The following PDE3A variants were observed in gnomAD, a reference collection of about 807,000 sequenced individuals.
The protein encoded by PDE3A is phosphodiesterase 3A, also known as cGMP-inhibited 3',5'-cyclic phosphodiesterase 3A.
PDE3A carries 43 observed loss-of-function variants against 98.3 expected under a neutral mutation model. The ratio of observed to expected loss-of-function variants is 0.44; its 90% CI spans 0.34 to 0.56. The LOEUF is 0.56. PDE3A is among the 20% of genes least tolerant of loss of function. The pLI is 0.01. For synonymous variants in PDE3A, 663 were observed against 567.9 expected, an observed-to-expected ratio of 1.17 and a Z score of -2.38; for missense variants, 1,427 against 1,440.7, an observed-to-expected ratio of 0.99 and a Z score of 0.15.
intron 1 of PDE3A, among the ~76,000 whole-genome samples, chr12:20,402,551 C>T (rs79074912): frequency 0.014 from 2,055 of 152,048 alleles, 16 homozygotes; most frequent in Middle Eastern, 0.037. Context: ...TTTCATCTTA[C>T]GGTGGGCCCT....
chr12:20,646,838 C>T lies in PDE3A; in HGVS notation c.2453C>T (p.Ser818Phe). ...NVTDDKYGCL[S>F]GNIPALELMA... ...ACAGATGATAAATACGGATGTCTGT[C>T]TGGGAATATCCCTGCCTTGGAGTTG... The change falls in exon 12 of 16, where the codon TCT (serine) becomes TTT (phenylalanine). Residue 818 changes from serine to phenylalanine, a missense_variant. This residue lies in a region of PDE3A where 273 missense variants were observed against 420.3 expected (regional missense o/e 0.65). Coordinates refer to ENST00000359062, the MANE Select transcript of PDE3A (RefSeq NM_000921.5). The T allele has an allele frequency of 1.9e-6, 3 of 1,611,944 alleles. No homozygotes were observed. Among genetic ancestry groups the T allele is most frequent in the Non-Finnish European group, 2.5e-6 (3 of 1,178,066 alleles).
chr12:20,438,145 A>G (rs1438370676), intron 1 of PDE3A, among the ~76,000 whole-genome samples: 1 of 152,074 alleles, frequency 6.6e-6, no homozygotes, highest in Non-Finnish European at 1.5e-5. Flanking sequence ...GAGTGTTGCT[A>G]AAAAGAATTA....
chr12:20,538,436 A>G (rs1941807287), intron 1 of PDE3A, among the ~76,000 whole-genome samples: 3 of 152,100 alleles, frequency 2.0e-5, no homozygotes, highest in African/African-American at 7.2e-5. Context: ...AGCTTCACAC[A>G]GTGACTTCTG....
chr12:20,437,784 T>C (rs1359928331), intron 1 of PDE3A, among the ~76,000 whole-genome samples: 1 of 152,150 alleles, frequency 6.6e-6, no homozygotes, highest in East Asian at 1.9e-4. Context: ...GGGTAAGATA[T>C]CCAAACTTTA....
chr12:20,518,137 A>G (rs529518980), intron 1 of PDE3A, among the ~76,000 whole-genome samples: 51 of 152,318 alleles, frequency 3.3e-4, no homozygotes, highest in Admixed American at 5.9e-4. Flanking sequence ...TATTTGCCCC[A>G]TAAGGGTAAA....
intron 1 of PDE3A, among the ~76,000 whole-genome samples, chr12:20,524,705 AAC>A (rs1946484323): frequency 6.6e-6 from 1 of 152,122 alleles, no homozygotes; most frequent in Non-Finnish European, 1.5e-5. Context: ...ATATAAAATG[AAC>A]ACACAGGCAT....
rs555686500 is a variant in PDE3A, at chr12:20,660,231, T to C, written c.3184+6026T>C. 1.8e-3 allele frequency among the ~76,000 whole-genome samples: 271 copies of C among 152,356 alleles called. 1 individual carries two copies. The highest frequency in any genetic ancestry group is 5.8e-3 in the African/African-American group (241 of 41,586). ...AGGATGTTTGCTTCCCCTTCCACCA[T>C]GATTATAATTTCCTGAGGCCTCCAT... On this transcript the variant is annotated intron_variant, in intron 15 of 15. Transcript: ENST00000359062.
intron 1 of PDE3A, among the ~76,000 whole-genome samples, chr12:20,466,992 A>C (rs1218685975): frequency 6.6e-6 from 1 of 152,108 alleles, no homozygotes; most frequent in Non-Finnish European, 1.5e-5. Context: ...CACATATTTT[A>C]TTTGTTTTTT....
intron 2 of PDE3A, among the ~76,000 whole-genome samples, chr12:20,605,544 A>AAAT (rs1233134109): frequency 6.6e-6 from 1 of 152,004 alleles, no homozygotes; most frequent in African/African-American, 2.4e-5. Context: ...AAATGTAGAG[A>AAAT]AATGAATTAC....
At chr12:20,371,326 C>T (rs149786776) in intron 1 of PDE3A, 1 of 984,350 alleles carries the variant, frequency 1.0e-6, no homozygotes, top group East Asian at 1.1e-4. Flanking sequence ...ATTTGTTCAC[C>T]TCTCTATTTG....
At chr12:20,433,199 C>A (rs1246781296) in intron 1 of PDE3A, among the ~76,000 whole-genome samples, 2 of 152,090 alleles carry the variant, frequency 1.3e-5, no homozygotes, top group Non-Finnish European at 2.9e-5. Context: ...CACTGTATAA[C>A]CAAACTTTGG....
chr12:20,521,682 G>A (rs1008631872), intron 1 of PDE3A, among the ~76,000 whole-genome samples: 2 of 152,138 alleles, frequency 1.3e-5, no homozygotes, highest in East Asian at 1.9e-4. Flanking sequence ...TTTGTTCAAC[G>A]AGTGTTATTG....
chr12:20,624,844 T>C (rs1421966992), intron 5 of PDE3A, among the ~76,000 whole-genome samples: 1 of 152,162 alleles, frequency 6.6e-6, no homozygotes, highest in Non-Finnish European at 1.5e-5. Flanking sequence ...TAAGTGGTTG[T>C]GACATGTTTG....
In PDE3A at chr12:20,552,744, G is replaced by A. The variant is rs1016291412; in HGVS notation, c.961-3916G>A. 2.5e-6 allele frequency: 4 copies of A among 1,614,052 alleles called. No homozygotes were observed. The highest frequency in any genetic ancestry group is 3.4e-6 in the Non-Finnish European group (4 of 1,179,898). On this transcript the variant is annotated intron_variant, in intron 1 of 15. Transcript: ENST00000359062. This position sits in a 1 kb window ranked among gnomAD's most constrained non-coding sequence, Gnocchi z 5.1. ...TCCTGGCGTCACTCAAGGACCGGCC[G>A]GCGAGCGGCAGCCCGTTCCAGTTGT...
chr12:20,572,361 A>G, intron 2 of PDE3A, among the ~76,000 whole-genome samples: 1 of 152,262 alleles, frequency 6.6e-6, no homozygotes, highest in African/African-American at 2.4e-5. Context: ...CCTGGGACCA[A>G]AAAACTTCCC....
In PDE3A at chr12:20,369,225, G is replaced by T; in HGVS notation, c.-60G>T. The T allele has an allele frequency of 7.6e-7, 1 of 1,311,604 alleles. No homozygotes were observed. The highest frequency in any genetic ancestry group is 1.5e-5 in the South Asian group (1 of 67,504). The allele number at this position is 1,311,604 out of a possible 1,614,324, so 81.2% of individuals were successfully genotyped here. Reference sequence around the variant, plus strand: ...TGTGTGTGTGTGCGCGCGCGCGCGTGGGTCGGGGCGGGGGCGTCGGGGGGC... The same window carrying T: ...TGTGTGTGTGTGCGCGCGCGCGCGTTGGTCGGGGCGGGGGCGTCGGGGGGC... On this transcript the variant is annotated 5_prime_UTR_variant, in exon 1 of 16. Coordinates refer to ENST00000359062, the MANE Select transcript of PDE3A (RefSeq NM_000921.5).
intron 2 of PDE3A, among the ~76,000 whole-genome samples, chr12:20,580,427 G>T (rs1315574605): frequency 6.6e-6 from 1 of 152,114 alleles, no homozygotes; most frequent in Non-Finnish European, 1.5e-5. Flanking sequence ...AAGCCTTCAG[G>T]GATAATTTCA....
chr12:20,605,802 A>T (rs1244524718), intron 2 of PDE3A, among the ~76,000 whole-genome samples: 1 of 152,224 alleles, frequency 6.6e-6, no homozygotes, highest in Non-Finnish European at 1.5e-5. Flanking sequence ...TTCAAGTTTC[A>T]TGTAGACTTA....
rs1942237293 is a variant in PDE3A, at chr12:20,552,415, G to C, written c.961-4245G>C. On this transcript the variant is annotated intron_variant, in intron 1 of 15. Transcript: ENST00000359062. The surrounding 1 kb of genome is among the most constrained non-coding windows in gnomAD (Gnocchi z 5.1). ...CGGCCCTTGGACGAAGGAGGGGAAG[G>C]ACCGGATCAAGAAGCTGGGGCTGAC... The C allele has an allele frequency of 3.7e-6, 6 of 1,613,156 alleles. No homozygotes were observed. The highest frequency in any genetic ancestry group is 4.2e-6 in the Non-Finnish European group (5 of 1,179,852).
Sources: allele counts gnomAD v4.1 joint callset (sites outside exome capture counted in the v4.1 genomes callset), GRCh38; gene constraint gnomAD v4.1.1; regional missense constraint gnomAD v4.1.1; non-coding constraint Gnocchi (gnomAD v3.1); transcripts MANE v1.5; gene names NCBI Gene and HGNC (gene_info 2026-07-23, HGNC 2026-07-21).